The following MAP3K13 variants were observed in gnomAD, a reference collection of about 807,000 sequenced individuals.
MAP3K13 encodes the protein mitogen-activated protein kinase kinase kinase 13, also known as leucine zipper-bearing kinase.
A neutral mutation model predicts 104.0 loss-of-function variants in MAP3K13; 52 were observed. The observed-to-expected ratio is 0.50, with a 90% CI of 0.40 to 0.63. The LOEUF (loss-of-function observed/expected upper bound fraction) is 0.63. Ranked by LOEUF, MAP3K13 falls within the 20% of genes least tolerant of loss-of-function variation. The probability of loss-of-function intolerance (pLI) is 0.00; values close to 1 mark genes in which losing one functional copy is unlikely to be tolerated. For missense variants in MAP3K13, 914 were observed against 1,218.5 expected (o/e 0.75, Z 3.72); for synonymous variants, 394 against 442.2 (o/e 0.89, Z 1.37).
chr3:185,458,713 A>G (rs1272674175), intron 7 of MAP3K13, among the ~76,000 whole-genome samples: 2 of 152,196 alleles, frequency 1.3e-5, no homozygotes, highest in Non-Finnish European at 2.9e-5. Context: ...TTATCAATCA[A>G]TAGTTGTTAG....
intron 1 of MAP3K13, among the ~76,000 whole-genome samples, chr3:185,371,542 A>C (rs183993181): frequency 1.3e-5 from 2 of 152,244 alleles, no homozygotes; most frequent in Admixed American, 6.5e-5. Context: ...CTGGGGTAAT[A>C]GTAGAATTGA....
chr3:185,371,131 T>C (rs1282195793), intron 1 of MAP3K13, among the ~76,000 whole-genome samples: 1 of 152,196 alleles, frequency 6.6e-6, no homozygotes, highest in Non-Finnish European at 1.5e-5. Context: ...GATAGATTGG[T>C]ATTTTAAATT....
chr3:185,291,675 T>G, intron 2 of MAP3K13: 1 of 1,531,998 alleles, frequency 6.5e-7, no homozygotes, highest in Admixed American at 2.0e-5. Context: ...GATTTGAGTT[T>G]GAATAACCTC....
At chr3:185,403,206 T>C (rs762831242) in intron 1 of MAP3K13, among the ~76,000 whole-genome samples, 1 of 152,172 alleles carries the variant, frequency 6.6e-6, no homozygotes, top group African/African-American at 2.4e-5. Flanking sequence ...GTTGAGAGTA[T>C]CTGACTTTAG....
intron 1 of MAP3K13, among the ~76,000 whole-genome samples, chr3:185,376,791 G>A (rs55786191): frequency 0.25 from 38,718 of 151,844 alleles, 5,096 homozygotes; most frequent in Admixed American, 0.3. Flanking sequence ...TTAACCGGAC[G>A]TGATCAGCAG....
Position 185,423,634 on chromosome 3 carries a change from C to T in MAP3K13, c.-85-4863C>T, listed in dbSNP as rs1343477045. 5.9e-5 allele frequency among the ~76,000 whole-genome samples: 9 copies of T among 152,162 alleles called. No homozygotes were observed. Among genetic ancestry groups the T allele is most frequent in the Admixed American group, 2.6e-4 (4 of 15,274 alleles). ...GCCCCAACCTTATATTCCCAGGGAG[C>T]TTCTCAAGGCCTAGATTTCTCCATA... On this transcript the variant is annotated intron_variant, in intron 1 of 13. Coordinates refer to ENST00000265026, the MANE Select transcript of MAP3K13 (RefSeq NM_004721.5). The surrounding 1 kb of genome is among the most constrained non-coding windows in gnomAD (Gnocchi z 4.1).
At chr3:185,296,806 A>G (rs1167465013) in intron 2 of MAP3K13, among the ~76,000 whole-genome samples, 1 of 152,228 alleles carries the variant, frequency 6.6e-6, no homozygotes, top group Non-Finnish European at 1.5e-5. Context: ...ATATTTCAAG[A>G]TGATTTTACA....
At chr3:185,298,517 C>G (rs975459994) in intron 2 of MAP3K13, among the ~76,000 whole-genome samples, 4 of 152,126 alleles carry the variant, frequency 2.6e-5, no homozygotes, top group Non-Finnish European at 2.9e-5. Context: ...ATACATTATC[C>G]TAACTAATTT....
intron 7 of MAP3K13, among the ~76,000 whole-genome samples, chr3:185,455,584 G>C (rs373508644): frequency 0.018 from 63 of 3,498 alleles, 14 homozygotes; most frequent in South Asian, 0.093. Context: ...ACATATATAT[G>C]ATATATATGA....
At position 185,480,540 on chromosome 3, in the gene MAP3K13, C is replaced by T; in HGVS notation, c.2799+11C>T. 1 of 1,608,526 alleles carries T rather than the reference C, an allele frequency of 6.2e-7. No individual in the cohort carries two copies. The highest frequency in any genetic ancestry group is 8.5e-7 in the Non-Finnish European group (1 of 1,176,444). ...GAACGTGGCTATGAGGTGGGGGCTT[C>T]TCCCTTCTCCTCCCATCACTGTTCC... On this transcript the variant is annotated intron_variant, in intron 13 of 13. Coordinates refer to ENST00000265026, the MANE Select transcript of MAP3K13 (RefSeq NM_004721.5).
intron 3 of MAP3K13, among the ~76,000 whole-genome samples, chr3:185,438,426 A>C (rs1715162245): frequency 1.3e-5 from 2 of 152,222 alleles, no homozygotes; most frequent in Admixed American, 1.3e-4. Flanking sequence ...CTTCTTAAAC[A>C]TTAACGTGTA....
intron 2 of MAP3K13, among the ~76,000 whole-genome samples, chr3:185,432,755 T>C (rs1291079658): frequency 2.0e-5 from 3 of 152,256 alleles, no homozygotes; most frequent in African/African-American, 7.2e-5. Context: ...TAGTATTTAA[T>C]TTGTTTTCCA....
chr3:185,309,915 C>T (rs1017846698), intron 2 of MAP3K13, among the ~76,000 whole-genome samples: 5 of 152,156 alleles, frequency 3.3e-5, no homozygotes, highest in East Asian at 1.9e-4. Context: ...GCCGCATACC[C>T]GAGGCCTAGG....
chr3:185,453,668 C>T (rs1716018885), intron 7 of MAP3K13, among the ~76,000 whole-genome samples: 1 of 151,078 alleles, frequency 6.6e-6, no homozygotes, highest in Non-Finnish European at 1.5e-5. Context: ...ACTCAGGAGG[C>T]TGAGGCAGGA....
In MAP3K13 at chr3:185,473,716, C is replaced by T. The variant is rs549099346; in HGVS notation, c.2385C>T (p.Leu795=). 10 of 1,614,030 alleles carry T rather than the reference C, an allele frequency of 6.2e-6. No individual in the cohort carries two copies. In the South Asian group the frequency reaches 7.7e-5, roughly 12 times the overall value. The change falls in exon 11 of 14, where the codon CTC becomes CTT. Residue 795 remains leucine, a synonymous_variant. Coordinates refer to ENST00000265026, the MANE Select transcript of MAP3K13 (RefSeq NM_004721.5). The surrounding 1 kb of genome is among the most constrained non-coding windows in gnomAD (Gnocchi z 4.9). ...AGTCATCCCTCGGCACCTCTCATCT[C>T]GGCACCCCTCCAGCGCTACCTCGAA... ...RSESSLGTSH[L]GTPPALPRKT...
chr3:185,328,978 T>A (rs9859234), intron 2 of MAP3K13: 312,148 of 399,488 alleles, frequency 0.78, 123,378 homozygotes, highest in Non-Finnish European at 0.83. Context: ...TAGTTTTTTT[T>A]AAAAAAAACT....
At chr3:185,321,152 C>T (rs569429867) in intron 2 of MAP3K13, among the ~76,000 whole-genome samples, 14 of 148,310 alleles carry the variant, frequency 9.4e-5, no homozygotes, top group South Asian at 6.4e-4. Context: ...TACATATATG[C>T]GTGCACACAC....
rs540323344 is a variant in MAP3K13, at chr3:185,465,764, G to A, written c.1406G>A (p.Arg469His). The A allele has an allele frequency of 1.1e-5, 17 of 1,613,792 alleles. No individual in the cohort carries two copies. The highest frequency in any genetic ancestry group is 2.2e-5 in the East Asian group (1 of 44,880). The change falls in exon 9 of 14, where the codon CGT (arginine) becomes CAT (histidine). Residue 469 changes from arginine to histidine, a missense_variant. By Grantham distance (29) the Arg-to-His change is conservative. Coordinates refer to ENST00000265026, the MANE Select transcript of MAP3K13 (RefSeq NM_004721.5). ...REELRHALDI[R>H]EHYERKLERA... ...TCTGACAGGCATGCGCTGGATATTC[G>A]TGAACACTATGAGCGGAAGCTTGAG...
intron 1 of MAP3K13, among the ~76,000 whole-genome samples, chr3:185,422,576 C>T (rs566012152): frequency 1.3e-5 from 2 of 152,202 alleles, no homozygotes; most frequent in Non-Finnish European, 2.9e-5. Flanking sequence ...TGAGCCCATC[C>T]TAACATTATG....
Sources: gnomAD v4.1 joint callset for allele counts (sites outside exome capture counted in the v4.1 genomes callset) on GRCh38, gnomAD v4.1.1 for gene constraint, Gnocchi (gnomAD v3.1) non-coding constraint, MANE v1.5 for transcripts, NCBI Gene and HGNC (gene_info 2026-07-23, HGNC 2026-07-21) for gene names.